The following PRDM6 variants were observed in gnomAD, a reference collection of about 807,000 sequenced individuals.
PRDM6 encodes putative histone-lysine N-methyltransferase PRDM6.
Under a neutral mutation model 60.8 loss-of-function variants are expected in PRDM6, and 25 were observed. That is an observed-to-expected ratio of 0.41 (90% CI 0.30 to 0.57). PRDM6 has a LOEUF of 0.57. Among genes scored for constraint, PRDM6 ranks in the 20% least tolerant of loss-of-function variants. The pLI is 0.27. For missense variants in PRDM6, 839 were observed against 821.3 expected, an observed-to-expected ratio of 1.02 and a Z score of -0.26; for synonymous variants, 407 against 357.4, an observed-to-expected ratio of 1.14 and a Z score of -1.57.
intron 3 of PRDM6, among the ~76,000 whole-genome samples, chr5:123,117,182 A>G (rs1363484600): frequency 1.3e-5 from 2 of 152,164 alleles, no homozygotes; most frequent in Non-Finnish European, 2.9e-5. Flanking sequence ...CGGCAACCCA[A>G]CAGTTCATTT....
At chr5:123,185,283 T>C (rs1163851155) in intron 7 of PRDM6, among the ~76,000 whole-genome samples, 1 of 152,106 alleles carries the variant, frequency 6.6e-6, no homozygotes, top group Non-Finnish European at 1.5e-5. Context: ...GCTATTCTAC[T>C]CTCTTTGAAA....
intron 3 of PRDM6, among the ~76,000 whole-genome samples, chr5:123,153,254 TG>T (rs1765413411): frequency 6.6e-6 from 1 of 152,022 alleles, no homozygotes; most frequent in African/African-American, 2.4e-5. Context: ...TTTTCTCTGA[TG>T]TTTTTTGAAA....
In PRDM6 at chr5:123,155,903, C is replaced by T. The variant is rs1424519350; in HGVS notation, c.920C>T (p.Thr307Ile). The change falls in exon 4 of 8, where the codon ACA becomes ATA. Residue 307 changes from threonine to isoleucine, a missense_variant. Thr to Ile is a moderately conservative substitution (Grantham distance 89, BLOSUM62 -1). Coordinates refer to ENST00000407847, the MANE Select transcript of PRDM6 (RefSeq NM_001136239.4). ...CTCCAGATATATGACCAGGATGGGA[C>T]ACTACAGCACTTTATTGATGGTGGG... ...HLWEIYDQDG[T>I]LQHFIDGGEP... is the part of the protein sequence containing the mutation. The T allele has an allele frequency of 6.4e-7, 1 of 1,551,350 alleles. No homozygotes were observed. Among genetic ancestry groups the T allele is most frequent in the Non-Finnish European group, 8.7e-7 (1 of 1,146,838 alleles).
At chr5:123,123,993 G>A (rs902691488) in intron 3 of PRDM6, among the ~76,000 whole-genome samples, 3 of 152,142 alleles carry the variant, frequency 2.0e-5, no homozygotes, top group Admixed American at 6.6e-5. Context: ...TTCCTTAAAC[G>A]ATACTCATTA....
At chr5:123,159,411 T>G in intron 4 of PRDM6, 103 bp from the exon 5 acceptor site, 1 of 1,289,002 alleles carries the variant, frequency 7.8e-7, no homozygotes, top group Non-Finnish European at 1.1e-6. Context: ...ACAGAAACTG[T>G]TTAGATGGAG....
chr5:123,094,979 G>A (rs936543812), intron 2 of PRDM6, among the ~76,000 whole-genome samples: 6 of 152,272 alleles, frequency 3.9e-5, no homozygotes, highest in African/African-American at 1.4e-4. Context: ...GCAGGGCAGA[G>A]AACGCCCAGA....
In PRDM6 at chr5:123,105,559, G is replaced by A. The variant is rs557531094; in HGVS notation, c.900+5598G>A. ...AAAAACTACACATTACTCAGCTGGG[G>A]AATATGCCTACAATATCAAAGTCCT... On this transcript the variant is annotated intron_variant, in intron 3 of 7. Transcript: ENST00000407847. Among the ~76,000 whole-genome samples the A allele has an allele frequency of 2.0e-5, 3 of 152,326 alleles. No homozygotes were observed. In the South Asian group the frequency reaches 6.2e-4, roughly 32 times the overall value.
At chr5:123,156,132 A>T in intron 4 of PRDM6, 121 bp downstream of exon 4, 8 of 775,488 alleles carry the variant, frequency 1.0e-5, no homozygotes, top group Admixed American at 3.6e-5. Flanking sequence ...ACTGGCAGAC[A>T]TTTTTTTTTT....
intron 3 of PRDM6, among the ~76,000 whole-genome samples, chr5:123,107,379 T>C (rs960080864): frequency 5.9e-5 from 9 of 152,258 alleles, no homozygotes; most frequent in Non-Finnish European, 1.0e-4. Flanking sequence ...TTGTTACAAG[T>C]GTGAAATGCT....
chr5:123,166,282 A>AT (rs1437667344), intron 5 of PRDM6, among the ~76,000 whole-genome samples: 19 of 152,206 alleles, frequency 1.2e-4, no homozygotes, highest in African/African-American at 4.3e-4. Context: ...CCGATATTCC[A>AT]TCTTTTTGCA....
At chr5:123,089,969 G>C (rs889755976) in intron 1 of PRDM6, 31 bp from the exon 2 acceptor site, 3 of 1,479,310 alleles carry the variant, frequency 2.0e-6, no homozygotes, top group South Asian at 2.4e-5. Context: ...CCCAGCTCAC[G>C]CGCCCCCTCT....
chr5:123,099,955 C>G lies in PRDM6; in HGVS notation c.894C>G (p.Leu298=), dbSNP rs1764061728. ...GCGCCGTGAGGAACACGCAGCATCT[C>G]TGGGAGGTAAGTGGCCGGCTGCACA... ...QAGAVRNTQH[L]WEIYDQDGTL... is the part of the protein sequence containing the mutation. The change falls in exon 3 of 8, where the codon CTC becomes CTG. Residue 298 remains leucine (L), a synonymous_variant. Coordinates refer to ENST00000407847, the MANE Select transcript of PRDM6 (RefSeq NM_001136239.4). The surrounding 1 kb of genome is among the most constrained non-coding windows in gnomAD (Gnocchi z 4.0). 7.3e-6 allele frequency: 11 copies of G among 1,513,392 alleles called. No individual in the cohort carries two copies. The highest frequency in any genetic ancestry group is 8.9e-6 in the Non-Finnish European group (10 of 1,123,946). 93.7% of individuals were successfully genotyped at this position (1,513,392 alleles called of 1,614,324 possible).
rs1580467550 is a variant in PRDM6 at position 123,089,365 on chromosome 5, G to C, written c.-170G>C. 6.6e-6 allele frequency: 1 copy of C among 152,614 alleles called. No homozygotes were observed. The highest frequency in any genetic ancestry group is 2.1e-4 in the South Asian group (1 of 4,816). The allele number at this position is 152,614 out of a possible 1,614,324, so 9.5% of individuals were successfully genotyped here. On this transcript the variant is annotated 5_prime_UTR_variant, in exon 1 of 8. Coordinates refer to ENST00000407847, the MANE Select transcript of PRDM6 (RefSeq NM_001136239.4). ...CCTCCGCGGGCCTCCCAATTTTCTC[G>C]CTTGCAGGTCGGGAGGTTTCCGGGC...
intron 2 of PRDM6, among the ~76,000 whole-genome samples, chr5:123,095,704 T>G (rs984752166): frequency 6.6e-6 from 1 of 152,218 alleles, no homozygotes; most frequent in Non-Finnish European, 1.5e-5. Flanking sequence ...CACCTACTCC[T>G]TGCTTTCCTA....
chr5:123,186,967 T>G, intron 7 of PRDM6, 120 bp from the exon 8 acceptor site: 1 of 709,092 alleles, frequency 1.4e-6, no homozygotes, highest in Non-Finnish European at 2.4e-6. Flanking sequence ...TTAAACCTCT[T>G]GAGCTGGTAA....
Position 123,099,677 on chromosome 5 carries a change from C to T in PRDM6, c.616C>T (p.Arg206Cys), listed in dbSNP as rs764215423. 6.8e-7 allele frequency: 1 copy of T among 1,474,614 alleles called. No homozygotes were observed. The highest frequency in any genetic ancestry group is 9.0e-7 in the Non-Finnish European group (1 of 1,109,708). The allele number at this position is 1,474,614 out of a possible 1,614,324, so 91.3% of individuals were successfully genotyped here. A position where few individuals can be genotyped will look rare whatever the true frequency, so the allele number is the denominator to read the frequency against. The change falls in exon 3 of 8, where the codon CGC becomes TGC. Residue 206 changes from arginine to cysteine, a missense_variant. Arg to Cys is a radical substitution (Grantham distance 180, BLOSUM62 -3). Transcript: ENST00000407847. This position sits in a 1 kb window ranked among gnomAD's most constrained non-coding sequence, Gnocchi z 4.0. ...NNRCDMCADN[R>C]NGECPMHGPL... ...AGGTTGCGACATGTGCGCGGACAACCGCAACGGCGAGTGCCCTATGCATGG... is the reference window on the plus strand; with the variant it reads ...AGGTTGCGACATGTGCGCGGACAACTGCAACGGCGAGTGCCCTATGCATGG...
chr5:123,181,778 G>A (rs922687240), intron 7 of PRDM6, among the ~76,000 whole-genome samples: 11 of 152,232 alleles, frequency 7.2e-5, no homozygotes, highest in Middle Eastern at 3.4e-3. Flanking sequence ...ACCTGCTGTC[G>A]TGGCGCACTT....
intron 6 of PRDM6, among the ~76,000 whole-genome samples, chr5:123,178,626 T>A (rs992304754): frequency 6.6e-6 from 1 of 152,238 alleles, no homozygotes; most frequent in Non-Finnish European, 1.5e-5. Context: ...GATTTCTAAA[T>A]GTAAGTAATT....
chr5:123,142,163 C>T (rs374900865), intron 3 of PRDM6, among the ~76,000 whole-genome samples: 18 of 152,198 alleles, frequency 1.2e-4, no homozygotes, highest in African/African-American at 3.4e-4. Flanking sequence ...TTTTTATATA[C>T]TTGAAATGGT....
Sources: gnomAD v4.1 joint callset for allele counts (sites outside exome capture counted in the v4.1 genomes callset) on GRCh38, gnomAD v4.1.1 for gene constraint, Gnocchi (gnomAD v3.1) non-coding constraint, MANE v1.5 for transcripts, NCBI Gene and HGNC (gene_info 2026-07-23, HGNC 2026-07-21) for gene names.